The following NTRK3 variants were observed in gnomAD, a reference collection of about 807,000 sequenced individuals.
NTRK3 encodes NT-3 growth factor receptor.
NTRK3 carries 24 observed loss-of-function variants against 91.7 expected under a neutral mutation model. The observed-to-expected ratio is 0.26, with a 90% confidence interval of 0.19 to 0.37. The LOEUF (loss-of-function observed/expected upper bound fraction) is 0.37. Ranked by LOEUF, NTRK3 falls within the 10% of genes least tolerant of loss-of-function variation. The pLI is 1.00. For synonymous variants in NTRK3, 483 were observed against 404.0 expected (o/e 1.20, Z -2.34); for missense variants, 880 against 1,068.9 (o/e 0.82, Z 2.46).
At chr15:88,068,409 CGA>C (rs1388827698) in intron 13 of NTRK3, among the ~76,000 whole-genome samples, 4 of 151,902 alleles carry the variant, frequency 2.6e-5, no homozygotes, top group Admixed American at 2.6e-4. Context: ...CCAGCCTGGG[CGA>C]GAGAGGGAAA....
At chr15:88,133,725 GCA>G (rs2151178117) in intron 10 of NTRK3, among the ~76,000 whole-genome samples, 1 of 152,294 alleles carries the variant, frequency 6.6e-6, no homozygotes, top group Admixed American at 6.5e-5. Context: ...CTGAAAGAGA[GCA>G]CAGTGTGACC....
intron 13 of NTRK3, among the ~76,000 whole-genome samples, chr15:88,048,129 C>T (rs1451731616): frequency 6.6e-6 from 1 of 152,178 alleles, no homozygotes; most frequent in Non-Finnish European, 1.5e-5. Context: ...TCCACTCCCT[C>T]TTCTCCCTCT....
At chr15:88,057,179 A>G (rs2045786787) in intron 13 of NTRK3, among the ~76,000 whole-genome samples, 2 of 149,128 alleles carry the variant, frequency 1.3e-5, no homozygotes. Flanking sequence ...AAAAAAAAAA[A>G]AAAAGAAAAA....
chr15:88,231,758 C>A (rs927430494), intron 3 of NTRK3, among the ~76,000 whole-genome samples: 1 of 152,118 alleles, frequency 6.6e-6, no homozygotes, highest in African/African-American at 2.4e-5. Flanking sequence ...CACTTTTTGC[C>A]TTGTGACTCT....
rs148120824 is a variant in NTRK3 at position 87,989,685 on chromosome 15, A to G, written c.1585+43172T>C. Among the ~76,000 whole-genome samples the G allele has an allele frequency of 4.3e-4, 65 of 152,162 alleles. No individual in the cohort carries two copies. The East Asian group carries it at 0.012, about 28-fold the overall frequency. ...CCAAGAAAATAAATCATATAGATCTAGTGCTGACACGAAAAAAAAAAAGAG... is the reference window on the plus strand; with the variant it reads ...CCAAGAAAATAAATCATATAGATCTGGTGCTGACACGAAAAAAAAAAAGAG... On this transcript the variant is annotated intron_variant, in intron 14 of 18. Coordinates refer to ENST00000394480, the Ensembl canonical transcript of NTRK3.
intron 17 of NTRK3, among the ~76,000 whole-genome samples, chr15:87,920,664 C>CA (rs1165359484): frequency 6.6e-6 from 1 of 152,158 alleles, no homozygotes; most frequent in African/African-American, 2.4e-5. Context: ...AATTTGCTCA[C>CA]AAAATAGGGT....
At chr15:87,861,869 G>C (rs2064534952) in exon 19 of NTRK3, 1 of 211,112 alleles carries the variant, frequency 4.7e-6, no homozygotes, top group Non-Finnish European at 9.6e-6. Context: ...AGAGATGCCT[G>C]CTCTGCATCT....
intron 11 of NTRK3, 83 bp from the exon 12 acceptor site, chr15:88,127,309 G>C: frequency 8.8e-7 from 1 of 1,134,960 alleles, no homozygotes; most frequent in Non-Finnish European, 1.3e-6. Context: ...CAACTCCCAA[G>C]CTCCCTTGAG....
chr15:88,069,610 A>G (rs1597119943), intron 13 of NTRK3, among the ~76,000 whole-genome samples: 1 of 152,074 alleles, frequency 6.6e-6, no homozygotes, highest in South Asian at 2.1e-4. Context: ...GAACACTATC[A>G]CTCAGGATCC....
chr15:87,980,116 A>G (rs1198233782), intron 14 of NTRK3, among the ~76,000 whole-genome samples: 1 of 152,166 alleles, frequency 6.6e-6, no homozygotes, highest in Non-Finnish European at 1.5e-5. Flanking sequence ...ACAGGGGAGG[A>G]AAATACCCTG....
Position 87,900,456 on chromosome 15 carries a change from G to C in NTRK3, c.2134-20028C>G, listed in dbSNP as rs564245614. ...TCAGGTCATCTGGGTTCTTGTCCCA[G>C]TTCTACTAGTGTGCCATCCTGTGGT... On this transcript the variant is annotated intron_variant, in intron 17 of 18. Coordinates refer to ENST00000394480, the Ensembl canonical transcript of NTRK3. Among the ~76,000 whole-genome samples, 6 of 152,296 alleles carry C rather than the reference G, an allele frequency of 3.9e-5. No homozygotes were observed. In the East Asian group the frequency reaches 1.2e-3, roughly 29 times the overall value.
At chr15:87,947,035 C>T (rs1485802480) in intron 14 of NTRK3, among the ~76,000 whole-genome samples, 3 of 152,034 alleles carry the variant, frequency 2.0e-5, no homozygotes, top group African/African-American at 7.2e-5. Flanking sequence ...CGTGCCACCA[C>T]ACCTGGTGAA....
intron 14 of NTRK3, among the ~76,000 whole-genome samples, chr15:87,970,955 G>T (rs1026737791): frequency 6.6e-6 from 1 of 152,092 alleles, no homozygotes; most frequent in Non-Finnish European, 1.5e-5. Context: ...TATTAAGATG[G>T]CCAAAGACAC....
chr15:88,018,503 C>G (rs1287502172), intron 14 of NTRK3, among the ~76,000 whole-genome samples: 1 of 152,194 alleles, frequency 6.6e-6, no homozygotes, highest in Non-Finnish European at 1.5e-5. Flanking sequence ...AGTCCCTTAA[C>G]TTCCTTGCTT....
chr15:88,184,299 T>A (rs767659306), exon 4 of NTRK3: 4 of 1,614,044 alleles, frequency 2.5e-6, no homozygotes, highest in Non-Finnish European at 3.4e-6. Context: ...TCTCTATGTG[T>A]CTGCAGGGGA....
At chr15:88,001,771 G>C (rs73458481) in intron 14 of NTRK3, among the ~76,000 whole-genome samples, 1 of 152,032 alleles carries the variant, frequency 6.6e-6, no homozygotes. Flanking sequence ...TGAGGAGTTA[G>C]AACCTCCAAA....
chr15:87,957,479 C>T (rs1268090259), intron 14 of NTRK3, among the ~76,000 whole-genome samples: 1 of 152,166 alleles, frequency 6.6e-6, no homozygotes, highest in East Asian at 1.9e-4. Context: ...TCAATCTCCT[C>T]ATCTGCAAAA....
At chr15:88,104,228 C>T (rs1474051608) in intron 13 of NTRK3, among the ~76,000 whole-genome samples, 1 of 152,232 alleles carries the variant, frequency 6.6e-6, no homozygotes, top group Admixed American at 6.5e-5. Flanking sequence ...GACGACTTTT[C>T]ACTGCATGCA....
At chr15:88,176,646 C>T (rs1264250367) in intron 5 of NTRK3, among the ~76,000 whole-genome samples, 2 of 152,210 alleles carry the variant, frequency 1.3e-5, no homozygotes. Context: ...AGATATCCTT[C>T]TTGTCATCCA....
Sources: gnomAD v4.1 joint callset for allele counts (sites outside exome capture counted in the v4.1 genomes callset) on GRCh38, gnomAD v4.1.1 for gene constraint, MANE v1.5 for transcripts, NCBI Gene and HGNC (gene_info 2026-07-23, HGNC 2026-07-21) for gene names.